Variants in AGAP1 observed in about 807,000 individuals in gnomAD.
AGAP1 encodes ArfGAP with GTPase domain, ankyrin repeat and PH domain 1.
A neutral mutation model predicts 105.3 loss-of-function variants in AGAP1; 29 were observed. The observed-to-expected ratio is 0.28, with a 90% CI of 0.21 to 0.38. The LOEUF is 0.38. AGAP1 is among the 10% of genes least tolerant of loss of function. The pLI is 1.00. For synonymous variants in AGAP1, 509 were observed against 485.9 expected (o/e 1.05, Z -0.63); for missense variants, 998 against 1,165.1 (o/e 0.86, Z 2.09).
chr2:235,870,343 C>A (rs2049376698), intron 9 of AGAP1, among the ~76,000 whole-genome samples: 1 of 152,106 alleles, frequency 6.6e-6, no homozygotes, highest in African/African-American at 2.4e-5. Flanking sequence ...CAGCAGATAC[C>A]CTTATTCTAA....
Position 235,961,003 on chromosome 2 carries a change from G to C in AGAP1, c.1484-7459G>C, listed in dbSNP as rs1330810378. On this transcript the variant is annotated intron_variant, in intron 12 of 17. Transcript: ENST00000304032. This position sits in a 1 kb window ranked among gnomAD's most constrained non-coding sequence, Gnocchi z 5.9. ...CACCCGCGCAAGTGTCTGTCACACA[G>C]AGGTTAGTTCTTTCATAAAACTTTA... Among the ~76,000 whole-genome samples, 1 of 152,222 alleles carries C rather than the reference G, an allele frequency of 6.6e-6. No homozygotes were observed. The highest frequency in any genetic ancestry group is 1.5e-5 in the Non-Finnish European group (1 of 68,042).
At position 235,971,741 on chromosome 2, in the gene AGAP1, T is replaced by TTTTATTTATTTATTTA. The variant is rs199729717; in HGVS notation, c.1645+3149_1645+3164dup. Among the ~76,000 whole-genome samples the TTTTATTTATTTATTTA allele has an allele frequency of 2.7e-4, 39 of 145,726 alleles. No individual in the cohort carries two copies. The highest frequency in any genetic ancestry group is 7.2e-4 in the African/African-American group (28 of 38,922). On this transcript the variant is annotated intron_variant, in intron 13 of 17. Coordinates refer to ENST00000304032, the MANE Select transcript of AGAP1 (RefSeq NM_001037131.3). The surrounding 1 kb of genome is among the most constrained non-coding windows in gnomAD (Gnocchi z 4.8). ...ACTAAAGCTAGTTATATATGTTTTA[T>TTTTATTTATTTATTTA]TTTATTTATTTATTTATTTATTTAT...
In AGAP1 at chr2:236,002,791, A is replaced by G. The variant is rs1248604146; in HGVS notation, c.1646-33770A>G. On this transcript the variant is annotated intron_variant, in intron 13 of 17. Coordinates refer to ENST00000304032, the MANE Select transcript of AGAP1 (RefSeq NM_001037131.3). This position sits in a 1 kb window ranked among gnomAD's most constrained non-coding sequence, Gnocchi z 4.3. ...AAGTCCAATTCATTATTAGATTTCTATAAATATAAATATTTATATGATATT... is the reference window on the plus strand; with the variant it reads ...AAGTCCAATTCATTATTAGATTTCTGTAAATATAAATATTTATATGATATT... 4.6e-5 allele frequency among the ~76,000 whole-genome samples: 7 copies of G among 152,210 alleles called. No individual in the cohort carries two copies. Among genetic ancestry groups the G allele is most frequent in the Admixed American group, 1.3e-4 (2 of 15,276 alleles).
chr2:235,796,219 T>A (rs534285038), intron 6 of AGAP1, among the ~76,000 whole-genome samples: 1 of 152,230 alleles, frequency 6.6e-6, no homozygotes, highest in Non-Finnish European at 1.5e-5. Context: ...CAGGCAATTA[T>A]GATTTTTGGC....
At position 236,042,785 on chromosome 2, in the gene AGAP1, G is replaced by A. The variant is rs913747958; in HGVS notation, c.1891+1944G>A. On this transcript the variant is annotated intron_variant, in intron 15 of 17. Coordinates refer to ENST00000304032, the MANE Select transcript of AGAP1 (RefSeq NM_001037131.3). The surrounding 1 kb of genome is among the most constrained non-coding windows in gnomAD (Gnocchi z 5.6). ...TCTGAGCAAGACCACCTGAGCAGAT[G>A]GACAGGGACAAAGGGAAAAGGCAGA... Among the ~76,000 whole-genome samples, 2 of 152,180 alleles carry A rather than the reference G, an allele frequency of 1.3e-5. No individual in the cohort carries two copies. Among genetic ancestry groups the A allele is most frequent in the African/African-American group, 4.8e-5 (2 of 41,440 alleles).
rs1470813768 is a variant in AGAP1, at chr2:235,883,798, A to C, written c.1155+349A>C. ...TCTATCTGAAAATCGAGAATGAAGG[A>C]AACAATTACATTTGAACCCAGGATT... On this transcript the variant is annotated intron_variant, in intron 10 of 17. Transcript: ENST00000304032. This position sits in a 1 kb window ranked among gnomAD's most constrained non-coding sequence, Gnocchi z 4.5. 6.6e-6 allele frequency among the ~76,000 whole-genome samples: 1 copy of C among 152,248 alleles called. No homozygotes were observed. The highest frequency in any genetic ancestry group is 1.9e-4 in the East Asian group (1 of 5,200).
At chr2:236,021,973 C>A (rs183295115) in intron 13 of AGAP1, among the ~76,000 whole-genome samples, 1 of 148,228 alleles carries the variant, frequency 6.7e-6, no homozygotes, top group Non-Finnish European at 1.5e-5. Context: ...GTGGGAGAAG[C>A]GCTTGAGCCC....
intron 2 of AGAP1, among the ~76,000 whole-genome samples, chr2:235,715,042 C>G (rs1951030262): frequency 6.6e-6 from 1 of 152,140 alleles, no homozygotes; most frequent in African/African-American, 2.4e-5. Context: ...CATGATCTGC[C>G]CGCTTCGGCC....
intron 12 of AGAP1, among the ~76,000 whole-genome samples, chr2:235,955,426 C>T (rs969361065): frequency 1.3e-5 from 2 of 152,124 alleles, no homozygotes; most frequent in African/African-American, 4.8e-5. Context: ...AGCATGTATC[C>T]AGAGCCCCAC....
intron 6 of AGAP1, among the ~76,000 whole-genome samples, chr2:235,771,322 G>A (rs554905273): frequency 1.3e-5 from 2 of 152,334 alleles, no homozygotes; most frequent in African/African-American, 2.4e-5. Context: ...TCCAGGCTGC[G>A]CCATAGGTGC....
chr2:235,673,032 C>T (rs1357022678), intron 1 of AGAP1, among the ~76,000 whole-genome samples: 2 of 152,302 alleles, frequency 1.3e-5, no homozygotes, highest in East Asian at 3.9e-4. Context: ...GCCATATGGT[C>T]AGAACTCTAG....
At chr2:235,921,038 AAATT>A (rs1415768696) in intron 11 of AGAP1, among the ~76,000 whole-genome samples, 1 of 152,206 alleles carries the variant, frequency 6.6e-6, no homozygotes, top group Non-Finnish European at 1.5e-5. Flanking sequence ...GTCATTAAGA[AAATT>A]AATTAGCAAC....
In AGAP1 at chr2:236,012,189, CT is replaced by C. The variant is rs2056536173; in HGVS notation, c.1646-24370del. On this transcript the variant is annotated intron_variant, in intron 13 of 17. Transcript: ENST00000304032. The surrounding 1 kb of genome is among the most constrained non-coding windows in gnomAD (Gnocchi z 4.9). ...AGCCGGGCTGCAAGTTCACTTCCTGCTTATACATCCTGTGGTAATGGGAGAG... is the reference window on the plus strand; with the variant it reads ...AGCCGGGCTGCAAGTTCACTTCCTGCTATACATCCTGTGGTAATGGGAGAG... Among the ~76,000 whole-genome samples the C allele has an allele frequency of 6.6e-6, 1 of 152,058 alleles. No homozygotes were observed. The highest frequency in any genetic ancestry group is 1.5e-5 in the Non-Finnish European group (1 of 68,028).
intron 9 of AGAP1, among the ~76,000 whole-genome samples, chr2:235,816,655 C>T (rs975287600): frequency 2.0e-5 from 3 of 152,062 alleles, no homozygotes; most frequent in Non-Finnish European, 4.4e-5. Context: ...CTTTGGGAGA[C>T]CGAGGTGAGT....
intron 3 of AGAP1, among the ~76,000 whole-genome samples, chr2:235,731,124 G>A (rs1208652800): frequency 6.6e-6 from 1 of 152,210 alleles, no homozygotes; most frequent in East Asian, 1.9e-4. Context: ...GGGGATGGCT[G>A]TTTGTTTGGT....
chr2:235,910,310 C>T (rs186416911), intron 11 of AGAP1, among the ~76,000 whole-genome samples: 99 of 152,410 alleles, frequency 6.5e-4, no homozygotes, highest in African/African-American at 2.3e-3. Flanking sequence ...TCAGAGGAGA[C>T]AACATGAAAG....
At chr2:235,803,217 A>G (rs943499660) in intron 8 of AGAP1, among the ~76,000 whole-genome samples, 13 of 151,750 alleles carry the variant, frequency 8.6e-5, no homozygotes, top group African/African-American at 1.5e-4. Context: ...GGTGGTGGTG[A>G]TGATGCATGC....
intron 12 of AGAP1, among the ~76,000 whole-genome samples, chr2:235,940,708 C>G (rs2053221403): frequency 6.6e-6 from 1 of 152,178 alleles, no homozygotes; most frequent in South Asian, 2.1e-4. Flanking sequence ...TCATCCTGCC[C>G]CTGGCATCTT....
At chr2:235,987,392 CTTCT>C (rs1226209029) in intron 13 of AGAP1, among the ~76,000 whole-genome samples, 2 of 150,396 alleles carry the variant, frequency 1.3e-5, no homozygotes, top group East Asian at 1.9e-4. Context: ...TTTCTCTCTT[CTTCT>C]TTATTAGTTT....
Sources: gnomAD v4.1 joint callset for allele counts (sites outside exome capture counted in the v4.1 genomes callset) on GRCh38, gnomAD v4.1.1 for gene constraint, Gnocchi (gnomAD v3.1) non-coding constraint, MANE v1.5 for transcripts, NCBI Gene and HGNC (gene_info 2026-07-23, HGNC 2026-07-21) for gene names.